Variants in TRIM21 observed in about 807,000 individuals in gnomAD.
TRIM21 encodes the protein E3 ubiquitin-protein ligase TRIM21.
In TRIM21, 35 loss-of-function variants were observed where a neutral mutation model predicts 36.1. The observed-to-expected ratio is 0.97, with a 90% CI of 0.74 to 1.28. The LOEUF is 1.28. TRIM21 is among the 50% of genes most tolerant of loss of function. The pLI is 0.00. For missense variants in TRIM21, 635 were observed against 570.7 expected (o/e 1.11, Z -1.15); for synonymous variants, 256 against 211.5 (o/e 1.21, Z -1.83).
chr11:4,388,695 A>AC (rs1227349664), intron 3 of TRIM21, among the ~76,000 whole-genome samples, 165 bp from the exon 4 acceptor site: 57 of 151,792 alleles, frequency 3.8e-4, no homozygotes, highest in Middle Eastern at 6.8e-3. Flanking sequence ...ACACACACAC[A>AC]ATTTTGCTTG....
Position 4,388,197 on chromosome 11 carries a change from T to G in TRIM21, c.735+103A>C, listed in dbSNP as rs1406672764. On this transcript the variant is annotated intron_variant, in intron 4 of 6. Coordinates refer to ENST00000254436, the MANE Select transcript of TRIM21 (RefSeq NM_003141.4). The stretch of plus-strand genomic sequence containing the variant: ...TTGAATTCTACTTCATTTAAGAACA[T>G]TCCAGGGACCAGGTGTCCATTTATT... 6 of 1,012,688 alleles carry G rather than the reference T, an allele frequency of 5.9e-6. No homozygotes were observed. The Admixed American group carries it at 1.4e-4, about 23-fold the overall frequency. 62.7% of individuals were successfully genotyped at this position (1,012,688 alleles called of 1,614,324 possible).
intron 3 of TRIM21, 119 bp downstream of exon 3, chr11:4,389,535 A>G (rs1021461856): frequency 9.4e-6 from 8 of 854,914 alleles, no homozygotes; most frequent in Non-Finnish European, 1.6e-5. Flanking sequence ...CTGGAGAGTG[A>G]GACGGACCAA....
In TRIM21 at chr11:4,385,400, A is replaced by C; in HGVS notation, c.1313T>G (p.Phe438Cys). 6.2e-7 allele frequency: 1 copy of C among 1,613,860 alleles called. No homozygotes were observed. The highest frequency in any genetic ancestry group is 8.5e-7 in the Non-Finnish European group (1 of 1,179,854). The change falls in exon 7 of 7, where the codon TTT becomes TGT. Residue 438 changes from phenylalanine to cysteine, a missense_variant. Physicochemically the swap from Phe to Cys is radical, Grantham distance 205. Transcript: ENST00000254436. The stretch of plus-strand genomic sequence containing the variant: ...GAAGAAGGGCCGCAGAGGTCCTGTA[A>C]AGGCACATTCAGAGAAGGAGTAGAT... ...SLIYSFSECA[F>C]TGPLRPFFSP...
Position 4,390,450 on chromosome 11 carries a change from G to C in TRIM21, c.-41C>G. The C allele has an allele frequency of 6.5e-7, 1 of 1,550,352 alleles. No homozygotes were observed. The highest frequency in any genetic ancestry group is 8.7e-7 in the Non-Finnish European group (1 of 1,145,426). On this transcript the variant is annotated 5_prime_UTR_variant, in exon 2 of 7. Coordinates refer to ENST00000254436, the MANE Select transcript of TRIM21 (RefSeq NM_003141.4). Reference sequence around the variant, plus strand: ...TAAACAGCAGTGTGGAGACCTTTAGGGGGTTTGGCTGGGAGAGAAGAAGAA... The same window carrying C: ...TAAACAGCAGTGTGGAGACCTTTAGCGGGTTTGGCTGGGAGAGAAGAAGAA...
At chr11:4,385,943 G>A in intron 6 of TRIM21, 90 bp from the exon 7 acceptor site, 6 of 1,333,344 alleles carry the variant, frequency 4.5e-6, no homozygotes, top group Admixed American at 2.3e-5. Context: ...AAACTCCAGG[G>A]TAAGCATGAG....
In TRIM21 at chr11:4,390,686, A is replaced by G. The variant is rs549624485; in HGVS notation, c.-49-228T>C. On this transcript the variant is annotated intron_variant, in intron 1 of 6. Coordinates refer to ENST00000254436, the MANE Select transcript of TRIM21 (RefSeq NM_003141.4). ...ATCATCTGACGTCAAATTATACTGT[A>G]GAGCTAAAGTAACCCAAACAGCATG... is the stretch of plus-strand genomic sequence containing the variant. 2.6e-5 allele frequency among the ~76,000 whole-genome samples: 4 copies of G among 152,326 alleles called. No homozygotes were observed. The South Asian group carries it at 8.3e-4, about 32-fold the overall frequency.
Position 4,390,168 on chromosome 11 carries a change from T to C in TRIM21, c.242A>G (p.Gln81Arg). ...NMVNNLKEISQEAREGTQGER... is the reference protein window; with the variant it reads ...NMVNNLKEISREAREGTQGER... The stretch of plus-strand genomic sequence containing the variant: ...CCCCTGTGTGCCCTCTCTGGCCTCC[T>C]GGCTGATTTCTTTAAGGTTGTTCAC... Residue 81 changes from glutamine to arginine, a missense_variant, in exon 2 of 7, where the codon CAG becomes CGG. Transcript: ENST00000254436. 6.2e-7 allele frequency: 1 copy of C among 1,614,040 alleles called. No homozygotes were observed. Among genetic ancestry groups the C allele is most frequent in the South Asian group, 1.1e-5 (1 of 91,086 alleles).
At chr11:4,389,474 C>A (rs1226777427) in intron 3 of TRIM21, among the ~76,000 whole-genome samples, 180 bp downstream of exon 3, 1 of 152,156 alleles carries the variant, frequency 6.6e-6, no homozygotes, top group Non-Finnish European at 1.5e-5. Context: ...CCCTTTGAAC[C>A]TGCATCATTT....
At chr11:4,389,420 A>G (rs1301828387) in intron 3 of TRIM21, among the ~76,000 whole-genome samples, 1 of 152,144 alleles carries the variant, frequency 6.6e-6, no homozygotes, top group African/African-American at 2.4e-5. Flanking sequence ...TCCTCTCAGC[A>G]CCTTCTTCCA....
At position 4,386,190 on chromosome 11, in the gene TRIM21, G is replaced by A. The variant is rs2094956141; in HGVS notation, c.826C>T (p.Pro276Ser). The A allele has an allele frequency of 3.7e-6, 6 of 1,613,594 alleles. No homozygotes were observed. The highest frequency in any genetic ancestry group is 5.1e-6 in the Non-Finnish European group (6 of 1,179,862). The change falls in exon 6 of 7, where the codon CCA (proline) becomes TCA (serine). Residue 276 changes from proline (P) to serine (S), a missense_variant. Physicochemically the swap from Pro to Ser is moderately conservative, Grantham distance 74 (BLOSUM62 -1). Coordinates refer to ENST00000254436, the MANE Select transcript of TRIM21 (RefSeq NM_003141.4). ...GTCCTCAGCATCTTCTTCAGCCCTG[G>A]CACATGGCACACACTCCTGAGTTCT... ...SPELRSVCHVPGLKKMLRTCA... is the reference protein window; with the variant it reads ...SPELRSVCHVSGLKKMLRTCA...
At position 4,387,040 on chromosome 11, in the gene TRIM21, T is replaced by C. The variant is rs532727107; in HGVS notation, c.736-50A>G. On this transcript the variant is annotated intron_variant, in intron 4 of 6. Coordinates refer to ENST00000254436, the MANE Select transcript of TRIM21 (RefSeq NM_003141.4). Reference sequence around the variant, plus strand: ...AAGTTCTGGATTGCTGGATCGCCACTGAGACATCAGCCCTGTGGGTGATGT... The same window carrying C: ...AAGTTCTGGATTGCTGGATCGCCACCGAGACATCAGCCCTGTGGGTGATGT... The C allele has an allele frequency of 1.9e-6, 3 of 1,549,536 alleles. No homozygotes were observed. In the East Asian group the frequency reaches 7.2e-5, roughly 37 times the overall value.
At chr11:4,389,262 T>C (rs1339607175) in intron 3 of TRIM21, among the ~76,000 whole-genome samples, 1 of 152,228 alleles carries the variant, frequency 6.6e-6, no homozygotes, top group Non-Finnish European at 1.5e-5. Context: ...TCCTTAAGTT[T>C]ATTCCTCACA....
intron 6 of TRIM21, 33 bp from the exon 7 acceptor site, chr11:4,385,886 T>C (rs1564809423): frequency 1.3e-6 from 2 of 1,547,436 alleles, no homozygotes; most frequent in Non-Finnish European, 1.8e-6. Flanking sequence ...AGGCCTTGCA[T>C]GGGGGGAGTT....
chr11:4,390,943 TAAATC>T (rs2094962448), intron 1 of TRIM21, among the ~76,000 whole-genome samples: 1 of 152,138 alleles, frequency 6.6e-6, no homozygotes, highest in Non-Finnish European at 1.5e-5. Context: ...ATTAAAGACT[TAAATC>T]TAAGGCCTCA....
chr11:4,390,277 TC>T lies in TRIM21; in HGVS notation c.132del (p.Gly46ValfsTer24), dbSNP rs1439555429. 2.8e-5 allele frequency: 45 copies of T among 1,613,778 alleles called. No homozygotes were observed. The highest frequency in any genetic ancestry group is 3.6e-5 in the Non-Finnish European group (42 of 1,179,882). Reference sequence around the variant, plus strand: ...ACAGGACAGACGCTGCCCCCACCTTTCCCAACCTGAGAGATGCATTCCTGGC... The same window carrying T: ...ACAGGACAGACGCTGCCCCCACCTTTCCAACCTGAGAGATGCATTCCTGGC... ...SFCQECISQV[G>X]KGGGSVCPVC... On this transcript the variant is annotated frameshift_variant, in exon 2 of 7. Transcript: ENST00000254436. LOFTEE classifies it high-confidence loss of function.
rs757789140 is a variant in TRIM21 at position 4,388,397 on chromosome 11, T to A, written c.638A>T (p.Glu213Val). Reference protein sequence around the residue: ...DEREQLRILGEKEAKLAQQSQ... With the variant: ...DEREQLRILGVKEAKLAQQSQ... ...CTGCTGGGCCAGCTTGGCCTCTTTCTCCCCCAGGATTCTCAGCTGCTCCCT... is the reference window on the plus strand; with the variant it reads ...CTGCTGGGCCAGCTTGGCCTCTTTCACCCCCAGGATTCTCAGCTGCTCCCT... Residue 213 changes from glutamate to valine, a missense_variant, in exon 4 of 7, where the codon GAG becomes GTG. Transcript: ENST00000254436. The A allele has an allele frequency of 1.2e-6, 2 of 1,613,934 alleles. No individual in the cohort carries two copies. The highest frequency in any genetic ancestry group is 1.7e-6 in the Non-Finnish European group (2 of 1,179,872).
At position 4,390,569 on chromosome 11, in the gene TRIM21, G is replaced by A. The variant is rs2094961929; in HGVS notation, c.-49-111C>T. On this transcript the variant is annotated intron_variant, in intron 1 of 6. Transcript: ENST00000254436. ...CCAATGACATTCTTCACAAAAATAG[G>A]AAAAAACAATCCTAAAATTTATATG... 7.2e-6 allele frequency: 5 copies of A among 697,034 alleles called. No homozygotes were observed. The Admixed American group carries it at 1.2e-4, about 17-fold the overall frequency. 43.2% of individuals were successfully genotyped at this position (697,034 alleles called of 1,614,324 possible).
rs2094961816 is a variant in TRIM21, at chr11:4,390,467, G to A, written c.-49-9C>T. 2.7e-6 allele frequency: 4 copies of A among 1,503,102 alleles called. No individual in the cohort carries two copies. The highest frequency in any genetic ancestry group is 3.6e-6 in the Non-Finnish European group (4 of 1,117,242). The allele number at this position is 1,503,102 out of a possible 1,614,324, so 93.1% of individuals were successfully genotyped here. The stretch of plus-strand genomic sequence containing the variant: ...ACCTTTAGGGGGTTTGGCTGGGAGA[G>A]AAGAAGAAAGGGAAAAGAGAATATG... On this transcript the variant is annotated splice_polypyrimidine_tract_variant and intron_variant, in intron 1 of 6. Transcript: ENST00000254436.
chr11:4,392,561 C>T (rs2094964243), intron 1 of TRIM21, among the ~76,000 whole-genome samples: 1 of 107,536 alleles, frequency 9.3e-6, no homozygotes, highest in East Asian at 3.6e-4. Flanking sequence ...GGCGAGACTC[C>T]CTCTCAAAAA....
Sources: gnomAD v4.1 joint callset for allele counts (sites outside exome capture counted in the v4.1 genomes callset) on GRCh38, gnomAD v4.1.1 for gene constraint, MANE v1.5 for transcripts, NCBI Gene and HGNC (gene_info 2026-07-23, HGNC 2026-07-21) for gene names.